HSPBP1: variants seen among roughly 807,000 people sequenced by gnomAD.
The protein encoded by HSPBP1 is hsp70-binding protein 1.
In HSPBP1, 31 loss-of-function variants were observed where a neutral mutation model predicts 41.7. The ratio of observed to expected loss-of-function variants is 0.74; its 90% CI spans 0.56 to 1.00. The LOEUF (loss-of-function observed/expected upper bound fraction) is 1.00, where lower values mean the gene tolerates loss of function less well. Ranked by LOEUF, HSPBP1 falls within the 50% of genes least tolerant of loss-of-function variation. HSPBP1 has a pLI of 0.00. For missense variants in HSPBP1, 439 were observed against 487.9 expected (o/e 0.90, Z 0.94); for synonymous variants, 199 against 214.4 (o/e 0.93, Z 0.63).
At chr19:55,273,990 G>C (rs2087992085) in intron 4 of HSPBP1, among the ~76,000 whole-genome samples, 1 of 152,062 alleles carries the variant, frequency 6.6e-6, no homozygotes, top group Non-Finnish European at 1.5e-5. Context: ...CTACATCTAG[G>C]GGCATTTGTG....
In HSPBP1 at chr19:55,279,567, C is replaced by G; in HGVS notation, c.42G>C (p.Ala14=). 3 of 1,605,942 alleles carry G rather than the reference C, an allele frequency of 1.9e-6. No individual in the cohort carries two copies. The highest frequency in any genetic ancestry group is 2.5e-6 in the Non-Finnish European group (3 of 1,176,706). The part of the protein sequence containing the change: ...EGSRGSRLPL[A]LPPASQGCSS... ...AGCAACCCTGGGAGGCCGGGGGCAG[C>G]GCCAGGGGCAGGCGGCTCCCCCTTG... Residue 14 remains alanine, a synonymous_variant, in exon 2 of 8, where the codon GCG becomes GCC. Transcript: ENST00000433386.
chr19:55,278,412 T>C (rs1178440849), intron 2 of HSPBP1, among the ~76,000 whole-genome samples: 1 of 152,086 alleles, frequency 6.6e-6, no homozygotes, highest in Non-Finnish European at 1.5e-5. Context: ...TGATATCATA[T>C]ATGTAAGTGG....
chr19:55,273,481 C>A (rs2087978798), intron 4 of HSPBP1, among the ~76,000 whole-genome samples: 1 of 152,162 alleles, frequency 6.6e-6, no homozygotes, highest in Non-Finnish European at 1.5e-5. Flanking sequence ...CTCTCCAGAC[C>A]CCCTGGCCCG....
chr19:55,269,395 C>T (rs1052341704), intron 4 of HSPBP1, among the ~76,000 whole-genome samples: 1 of 152,184 alleles, frequency 6.6e-6, no homozygotes, highest in Non-Finnish European at 1.5e-5. Context: ...CACCGCCCAC[C>T]TTCCACCCAC....
chr19:55,277,080 CCTT>C (rs1197465913), intron 3 of HSPBP1, among the ~76,000 whole-genome samples: 1 of 152,214 alleles, frequency 6.6e-6, no homozygotes, highest in East Asian at 1.9e-4. Context: ...TCTCCTCAAA[CCTT>C]CTGTGAGCTC....
intron 3 of HSPBP1, among the ~76,000 whole-genome samples, chr19:55,274,866 G>A (rs186551414): frequency 6.6e-6 from 1 of 152,260 alleles, no homozygotes; most frequent in Admixed American, 6.5e-5. Flanking sequence ...CAACATGGAG[G>A]GAGGACACAA....
chr19:55,277,959 AATAT>A, intron 2 of HSPBP1, 113 bp from the exon 3 acceptor site: 1 of 918,210 alleles, frequency 1.1e-6, no homozygotes, highest in South Asian at 1.8e-5. Context: ...TCAGTCAACA[AATAT>A]CGGCTGGGAG....
At chr19:55,267,843 A>G (rs538145943) in intron 4 of HSPBP1, among the ~76,000 whole-genome samples, 14 of 152,330 alleles carry the variant, frequency 9.2e-5, no homozygotes, top group African/African-American at 3.4e-4. Context: ...TGAGGCCTAA[A>G]GAGCCAGGCT....
intron 4 of HSPBP1, 53 bp downstream of exon 4, chr19:55,274,345 G>GCCCCCCCCCCCCCCCCCCCCCCCC: frequency 3.1e-4 from 173 of 552,598 alleles, no homozygotes; most frequent in East Asian, 4.1e-4. Context: ...GGCCCACCCG[G>GCCCCCCCCCCCCCCCCCCCCCCCC]CACCCCCCCC....
rs201171002 is a variant in HSPBP1 at position 55,263,967 on chromosome 19, CT to C, written c.1006-1286del. On this transcript the variant is annotated intron_variant, in intron 7 of 7. Transcript: ENST00000433386. ...AAGTCAAAACTTCTCATGTAGTACA[CT>C]TTTTTTTTTTTTTTTTTTGAGATGG... Among the ~76,000 whole-genome samples the C allele has an allele frequency of 2.5e-3, 329 of 130,478 alleles. 2 individuals are homozygous for C. Among genetic ancestry groups the C allele is most frequent in the African/African-American group, 4.6e-3 (155 of 33,646 alleles). The allele number at this position is 130,478 out of a possible 152,430, so 85.6% of individuals were successfully genotyped here. A position where few individuals can be genotyped will look rare whatever the true frequency, so the allele number is the denominator to read the frequency against.
chr19:55,270,884 A>T lies in HSPBP1; in HGVS notation c.640+3514T>A, dbSNP rs572192385. ...TCCCACACACATACACATGCAACAC[A>T]CACACCACACACACCTCCACATATA... On this transcript the variant is annotated intron_variant, in intron 4 of 7. Transcript: ENST00000433386. This position sits in a 1 kb window ranked among gnomAD's most constrained non-coding sequence, Gnocchi z 5.4. Among the ~76,000 whole-genome samples the T allele has an allele frequency of 1.7e-4, 26 of 151,478 alleles. No individual in the cohort carries two copies. The highest frequency in any genetic ancestry group is 3.5e-4 in the Non-Finnish European group (24 of 67,880).
Position 55,272,509 on chromosome 19 carries a change from G to A in HSPBP1, c.640+1889C>T, listed in dbSNP as rs1473087378. On this transcript the variant is annotated intron_variant, in intron 4 of 7. Coordinates refer to ENST00000433386, the MANE Select transcript of HSPBP1 (RefSeq NM_012267.5). This position sits in a 1 kb window ranked among gnomAD's most constrained non-coding sequence, Gnocchi z 4.2. ...GACGGACGCCGAGTGATTGCTTAAC[G>A]GGTACAGAATTTCTGCTTGGGGGAG... Among the ~76,000 whole-genome samples, 1 of 152,126 alleles carries A rather than the reference G, an allele frequency of 6.6e-6. No homozygotes were observed. Among genetic ancestry groups the A allele is most frequent in the Non-Finnish European group, 1.5e-5 (1 of 68,034 alleles).
intron 4 of HSPBP1, among the ~76,000 whole-genome samples, chr19:55,266,964 A>G (rs1479369162): frequency 6.6e-6 from 1 of 152,034 alleles, no homozygotes; most frequent in African/African-American, 2.4e-5. Context: ...AAAATACGTG[A>G]CCTTTTGTGT....
rs558301080 is a variant in HSPBP1, at chr19:55,272,194, C to T, written c.640+2204G>A. On this transcript the variant is annotated intron_variant, in intron 4 of 7. Coordinates refer to ENST00000433386, the MANE Select transcript of HSPBP1 (RefSeq NM_012267.5). This position sits in a 1 kb window ranked among gnomAD's most constrained non-coding sequence, Gnocchi z 4.2. ...AAACAAATGTCCATAAAAACACCTG[C>T]GCAGCTATGTCCACAGGAGCACGAG... 1.7e-4 allele frequency among the ~76,000 whole-genome samples: 26 copies of T among 152,282 alleles called. No individual in the cohort carries two copies. The highest frequency in any genetic ancestry group is 1.2e-3 in the Admixed American group (19 of 15,298).
intron 4 of HSPBP1, 42 bp downstream of exon 4, chr19:55,274,356 C>CA (rs397966329): frequency 7.5e-6 from 5 of 668,468 alleles, no homozygotes; most frequent in Non-Finnish European, 1.2e-5. Context: ...CACCCCCCCC[C>CA]ACCGCCAGCA....
chr19:55,277,830 T>G lies in HSPBP1; in HGVS notation c.227A>C (p.Gln76Pro). ...TCGGAAGGCAGCCGACATGGCCTCCTGCAGCCACTGACGCCTCTGGAGACC... is the reference window on the plus strand; with the variant it reads ...TCGGAAGGCAGCCGACATGGCCTCCGGCAGCCACTGACGCCTCTGGAGACC... The part of the protein sequence containing the change: ...PMSEERRQWL[Q>P]EAMSAAFRGQ... Residue 76 changes from glutamine to proline, a missense_variant, in exon 3 of 8, where the codon CAG (glutamine) becomes CCG (proline). Physicochemically the swap from Gln to Pro is moderately conservative, Grantham distance 76. Transcript: ENST00000433386. 1 of 1,575,338 alleles carries G rather than the reference T, an allele frequency of 6.3e-7. No individual in the cohort carries two copies. Among genetic ancestry groups the G allele is most frequent in the Non-Finnish European group, 8.6e-7 (1 of 1,159,514 alleles).
rs369291149 is a variant in HSPBP1 at position 55,266,318 on chromosome 19, G to A, written c.641-32C>T. On this transcript the variant is annotated intron_variant, in intron 4 of 7. Transcript: ENST00000433386. ...GAGGGGGAAAGGTCCTGAGCTTGCA[G>A]TCACCACCACCACCACTGTCATCAC... 70 of 1,535,654 alleles carry A rather than the reference G, an allele frequency of 4.6e-5. No individual in the cohort carries two copies. In the African/African-American group the frequency reaches 8.3e-4, roughly 18 times the overall value.
chr19:55,273,224 G>A (rs917984127), intron 4 of HSPBP1, among the ~76,000 whole-genome samples: 15 of 152,182 alleles, frequency 9.9e-5, no homozygotes, highest in African/African-American at 3.1e-4. Context: ...TCCTGGGCTC[G>A]AGCAATTCTC....
At chr19:55,274,936 C>G (rs1335713965) in intron 3 of HSPBP1, among the ~76,000 whole-genome samples, 2 of 152,178 alleles carry the variant, frequency 1.3e-5, no homozygotes, top group Non-Finnish European at 2.9e-5. Context: ...CTGCCCACAC[C>G]CTGATCTCAA....
Sources: gnomAD v4.1 joint callset for allele counts (sites outside exome capture counted in the v4.1 genomes callset) on GRCh38, gnomAD v4.1.1 for gene constraint, Gnocchi (gnomAD v3.1) non-coding constraint, MANE v1.5 for transcripts, NCBI Gene and HGNC (gene_info 2026-07-23, HGNC 2026-07-21) for gene names.